The following PHF11 variants were observed in gnomAD, a reference collection of about 807,000 sequenced individuals.
PHF11 encodes the protein BRCA1 C-terminus-associated protein.
Under a neutral mutation model 40.5 loss-of-function variants are expected in PHF11, and 38 were observed. The ratio of observed to expected loss-of-function variants is 0.94; its 90% CI spans 0.72 to 1.23. The LOEUF (loss-of-function observed/expected upper bound fraction) is 1.23. Among genes scored for constraint, PHF11 ranks in the 50% most tolerant of loss-of-function variants. The pLI, the probability that PHF11 is intolerant of heterozygous loss-of-function variation, is 0.00. For missense variants in PHF11, 369 were observed against 392.4 expected (o/e 0.94, Z 0.50); for synonymous variants, 127 against 138.2 (o/e 0.92, Z 0.57).
chr13:49,503,906 T>C (rs1466677563), intron 1 of PHF11, among the ~76,000 whole-genome samples: 1 of 152,156 alleles, frequency 6.6e-6, no homozygotes, highest in Non-Finnish European at 1.5e-5. Flanking sequence ...CTAATTTTTT[T>C]GTATTTTTAG....
chr13:49,526,183 A>AG, intron 8 of PHF11: 4 of 481,024 alleles, frequency 8.3e-6, no homozygotes, highest in South Asian at 7.5e-5. Context: ...AAAAAAAAAA[A>AG]AAAAAAAGAA....
rs1012248445 is a variant in PHF11 at position 49,513,152 on chromosome 13, A to T, written c.310A>T (p.Arg104Ter). 1 of 1,525,958 alleles carries T rather than the reference A, an allele frequency of 6.6e-7. No individual in the cohort carries two copies. The highest frequency in any genetic ancestry group is 2.3e-5 in the East Asian group (1 of 44,438). The allele number at this position is 1,525,958 out of a possible 1,614,324, so 94.5% of individuals were successfully genotyped here. A position where few individuals can be genotyped will look rare whatever the true frequency, so the allele number is the denominator to read the frequency against. ...DVESVKKEIQRGRKLKCKFCH... is the reference protein window; with the variant it reads ...DVESVKKEIQ ...GGAATCAGTAAAGAAAGAAATCCAGAGAGGAAGGAAGTTGGTAAGTGTAAA... is the reference window on the plus strand; with the variant it reads ...GGAATCAGTAAAGAAAGAAATCCAGTGAGGAAGGAAGTTGGTAAGTGTAAA... The change falls in exon 3 of 10, where the codon AGA (arginine) becomes TGA (stop). Residue 104 changes from arginine to a stop codon, truncating the protein, a stop_gained. Transcript: ENST00000378319. LOFTEE classifies it high-confidence loss of function.
intron 1 of PHF11, among the ~76,000 whole-genome samples, chr13:49,498,115 G>A (rs889942610): frequency 6.6e-5 from 10 of 152,114 alleles, no homozygotes; most frequent in African/African-American, 2.4e-5. Context: ...ATGTAAATTC[G>A]TCTTACTCTC....
intron 1 of PHF11, among the ~76,000 whole-genome samples, chr13:49,499,153 G>A (rs753330468): frequency 1.9e-4 from 29 of 152,212 alleles, no homozygotes; most frequent in Non-Finnish European, 3.7e-4. Context: ...AGTTTTCCTG[G>A]TGATGGTATA....
intron 5 of PHF11, 43 bp from the exon 6 acceptor site, chr13:49,522,000 T>C (rs1305227279): frequency 2.0e-6 from 2 of 977,232 alleles, no homozygotes; most frequent in Admixed American, 1.9e-5. Context: ...ACAGTAATCT[T>C]TTCCTTTATG....
intron 4 of PHF11, chr13:49,518,888 T>C (rs1002683238): frequency 4.1e-5 from 6 of 148,104 alleles, no homozygotes; most frequent in Admixed American, 2.7e-4. Context: ...CAGGCTGGAG[T>C]GCAGTGGCGC....
At chr13:49,527,051 T>C (rs948341631) in intron 9 of PHF11, among the ~76,000 whole-genome samples, 1 of 92,462 alleles carries the variant, frequency 1.1e-5, no homozygotes, top group African/African-American at 3.7e-5. Context: ...TTAAAGTTCA[T>C]CAGAAAAAAA....
chr13:49,522,082 A>C lies in PHF11; in HGVS notation c.545A>C (p.Lys182Thr). The C allele has an allele frequency of 6.4e-7, 1 of 1,563,060 alleles. No individual in the cohort carries two copies. Among genetic ancestry groups the C allele is most frequent in the Non-Finnish European group, 8.8e-7 (1 of 1,134,978 alleles). The stretch of plus-strand genomic sequence containing the variant: ...GTGAAAAGAAAAAGAGGAAGGAAGA[A>C]ACCCCTCTCAGGCAATCATGTACAG... Reference protein sequence around the residue: ...SGVKRKRGRKKPLSGNHVQPP... With the variant: ...SGVKRKRGRKTPLSGNHVQPP... Residue 182 changes from lysine (K) to threonine (T), a missense_variant, in exon 6 of 10, where the codon AAA becomes ACA. Physicochemically the swap from Lys to Thr is moderately conservative, Grantham distance 78 (BLOSUM62 -1). Transcript: ENST00000378319.
rs1427624091 is a variant in PHF11 at position 49,506,233 on chromosome 13, T to C, written c.95-402T>C. Among the ~76,000 whole-genome samples the C allele has an allele frequency of 8.3e-5, 10 of 120,590 alleles. No homozygotes were observed. In the South Asian group the frequency reaches 2.7e-3, roughly 32 times the overall value. 79.1% of individuals were successfully genotyped at this position (120,590 alleles called of 152,430 possible). A position where few individuals can be genotyped will look rare whatever the true frequency, so the allele number is the denominator to read the frequency against. The stretch of plus-strand genomic sequence containing the variant: ...GGCAAGGTAGCAAGACCCCGGTCTC[T>C]AAAAAAAAAAAAAAAAAAATTAGCT... On this transcript the variant is annotated intron_variant, in intron 1 of 9. Transcript: ENST00000378319.
chr13:49,499,282 G>A lies in PHF11; in HGVS notation c.94+3187G>A, dbSNP rs76682179. On this transcript the variant is annotated intron_variant, in intron 1 of 9. Coordinates refer to ENST00000378319, the MANE Select transcript of PHF11 (RefSeq NM_001040443.3). ...ATCTGAGAGATGAGCAGGTCCTCTG[G>A]GACTATCAGCTATGTCTAGAGGAAT... Among the ~76,000 whole-genome samples, 908 of 152,196 alleles carry A rather than the reference G, an allele frequency of 6.0e-3. 5 individuals carry two copies. The highest frequency in any genetic ancestry group is 0.02 in the African/African-American group (824 of 41,494).
chr13:49,521,567 G>T, intron 5 of PHF11: 1 of 791,496 alleles, frequency 1.3e-6, no homozygotes, highest in Non-Finnish European at 1.5e-6. Flanking sequence ...AACTCAGCAG[G>T]AAAGGCTATT....
chr13:49,496,973 A>G lies in PHF11; in HGVS notation c.94+878A>G, dbSNP rs3764083. 1.6e-3 allele frequency: 1,468 copies of G among 927,328 alleles called. 64 individuals are homozygous for G. The East Asian group carries it at 0.08, about 51-fold the overall frequency. 57.4% of individuals were successfully genotyped at this position (927,328 alleles called of 1,614,324 possible). On this transcript the variant is annotated intron_variant, in intron 1 of 9. Coordinates refer to ENST00000378319, the MANE Select transcript of PHF11 (RefSeq NM_001040443.3). ...CTCAGCCTCCCGAGTGGATGGGATT[A>G]CAGGCATGTGCCACCACGCCCAGCT...
In PHF11 at chr13:49,496,084, T is replaced by A; in HGVS notation, c.83T>A (p.Leu28His). 1 of 991,474 alleles carries A rather than the reference T, an allele frequency of 1.0e-6. No individual in the cohort carries two copies. The highest frequency in any genetic ancestry group is 1.3e-6 in the Non-Finnish European group (1 of 742,588). The allele number at this position is 991,474 out of a possible 1,614,324, so 61.4% of individuals were successfully genotyped here. ...GCCCGGCCCGCGCAGGAGGCGCTCC[T>A]CCTTCCCACCGGTGTGTACCGCGGG... Reference protein sequence around the residue: ...PEARPAQEALLLPTGVFQVAE... With the variant: ...PEARPAQEALHLPTGVFQVAE... Residue 28 changes from leucine to histidine, a missense_variant, in exon 1 of 10, where the codon CTC becomes CAC. Physicochemically the swap from Leu to His is moderately conservative, Grantham distance 99. Transcript: ENST00000378319.
chr13:49,502,467 AAAC>A (rs1387947129), intron 1 of PHF11, among the ~76,000 whole-genome samples: 1 of 152,236 alleles, frequency 6.6e-6, no homozygotes. Flanking sequence ...AGAATATTAT[AAAC>A]AAAGTTAAAA....
intron 4 of PHF11, 135 bp from the exon 5 acceptor site, chr13:49,520,759 G>A (rs745449117): frequency 3.4e-6 from 2 of 584,640 alleles, no homozygotes; most frequent in Non-Finnish European, 5.9e-6. Context: ...TTTACACAGG[G>A]CTTCAAAAAA....
In PHF11 at chr13:49,520,887, A is replaced by C. The variant is rs756935117; in HGVS notation, c.459-7A>C. 1 of 1,551,888 alleles carries C rather than the reference A, an allele frequency of 6.4e-7. No homozygotes were observed. The highest frequency in any genetic ancestry group is 8.8e-7 in the Non-Finnish European group (1 of 1,134,810). ...ATTTTACAATTCTTTGAAATTAAAT[A>C]TTTCAGACTGCTTTGCCAGCAACAT... On this transcript the variant is annotated splice_polypyrimidine_tract_variant and splice_region_variant and intron_variant, in intron 4 of 9. Coordinates refer to ENST00000378319, the MANE Select transcript of PHF11 (RefSeq NM_001040443.3).
rs190846080 is a variant in PHF11, at chr13:49,497,557, C to T, written c.94+1462C>T. 1.6e-4 allele frequency among the ~76,000 whole-genome samples: 25 copies of T among 152,334 alleles called. 1 individual carries two copies. Among genetic ancestry groups the T allele is most frequent in the Admixed American group, 1.0e-3 (16 of 15,310 alleles). On this transcript the variant is annotated intron_variant, in intron 1 of 9. Transcript: ENST00000378319. ...CTTCCATTACTGCCACCCAAGCCTA[C>T]GCCATCATGATCTTCTGTCTGGACT...
At chr13:49,502,824 G>C (rs952890187) in intron 1 of PHF11, among the ~76,000 whole-genome samples, 2 of 152,168 alleles carry the variant, frequency 1.3e-5, no homozygotes, top group Non-Finnish European at 2.9e-5. Context: ...CCAGGTCCAA[G>C]GGATTCTCCT....
rs1206782081 is a variant in PHF11 at position 49,501,000 on chromosome 13, G to GT, written c.94+4920dup. ...TTTAATTTGGGAGTCACCAACTTTT[G>GT]TTTTTTTTTTTTTTTGGTTTTTTTT... On this transcript the variant is annotated intron_variant, in intron 1 of 9. Transcript: ENST00000378319. Among the ~76,000 whole-genome samples the GT allele has an allele frequency of 2.7e-3, 139 of 51,294 alleles. 4 individuals are homozygous for GT. Among genetic ancestry groups the GT allele is most frequent in the Admixed American group, 3.8e-3 (18 of 4,796 alleles). The allele number at this position is 51,294 out of a possible 152,430, so 33.7% of individuals were successfully genotyped here.
Sources: gnomAD v4.1 joint callset for allele counts (sites outside exome capture counted in the v4.1 genomes callset) on GRCh38, gnomAD v4.1.1 for gene constraint, MANE v1.5 for transcripts, NCBI Gene and HGNC (gene_info 2026-07-23, HGNC 2026-07-21) for gene names.